Variants in RCSD1 observed in about 807,000 individuals in gnomAD.
RCSD1 encodes the protein RCSD domain containing 1, also known as capZ-interacting protein.
RCSD1 carries 26 observed loss-of-function variants against 42.5 expected under a neutral mutation model. The ratio of observed to expected loss-of-function variants is 0.61; its 90% CI spans 0.45 to 0.85. The LOEUF (loss-of-function observed/expected upper bound fraction) is 0.85. RCSD1 is among the 40% of genes least tolerant of loss of function. RCSD1 has a pLI of 0.00. For missense variants in RCSD1, 571 were observed against 528.3 expected (o/e 1.08, Z -0.79); for synonymous variants, 220 against 212.2 (o/e 1.04, Z -0.32).
At position 167,694,061 on chromosome 1, in the gene RCSD1, C is replaced by T. The variant is rs756476393; in HGVS notation, c.271-38C>T. 7.5e-6 allele frequency: 12 copies of T among 1,602,714 alleles called. No individual in the cohort carries two copies. The African/African-American group carries it at 1.6e-4, about 21-fold the overall frequency. ...CTAAAGTAGAGGCTCTGATCTTCTC[C>T]CTAGTCCTATTTGAAATTGTTCATC... On this transcript the variant is annotated intron_variant, in intron 4 of 6. Coordinates refer to ENST00000367854, the MANE Select transcript of RCSD1 (RefSeq NM_052862.4).
intron 1 of RCSD1, among the ~76,000 whole-genome samples, chr1:167,675,602 G>C (rs1241866289): frequency 6.6e-6 from 1 of 152,132 alleles, no homozygotes; most frequent in Non-Finnish European, 1.5e-5. Context: ...TGTTTGACTT[G>C]ACCCAGAGCT....
intron 1 of RCSD1, among the ~76,000 whole-genome samples, chr1:167,654,677 T>C (rs1029210287): frequency 2.0e-5 from 3 of 152,172 alleles, no homozygotes; most frequent in African/African-American, 7.2e-5. Context: ...ATGAGACTTA[T>C]ATTTGAGAAA....
rs1337164920 is a variant in RCSD1, at chr1:167,707,300, G to T, written c.*2604G>T. Among the ~76,000 whole-genome samples the T allele has an allele frequency of 6.6e-6, 1 of 152,342 alleles. No homozygotes were observed. The highest frequency in any genetic ancestry group is 2.4e-5 in the African/African-American group (1 of 41,584). ...ACATGTTCAATAAATAAATGTCAAAGAAATAAATGCGTGAAAAGGCAACCA... is the reference window on the plus strand; with the variant it reads ...ACATGTTCAATAAATAAATGTCAAATAAATAAATGCGTGAAAAGGCAACCA... On this transcript the variant is annotated 3_prime_UTR_variant, in exon 7 of 7. Coordinates refer to ENST00000367854, the MANE Select transcript of RCSD1 (RefSeq NM_052862.4).
chr1:167,668,536 C>T (rs1246979256), intron 1 of RCSD1, among the ~76,000 whole-genome samples: 1 of 152,104 alleles, frequency 6.6e-6, no homozygotes, highest in African/African-American at 2.4e-5. Context: ...AAACCCTTTT[C>T]CTCTTCAGCA....
chr1:167,663,870 G>A (rs1380908835), intron 1 of RCSD1: 3 of 152,192 alleles, frequency 2.0e-5, no homozygotes, highest in African/African-American at 7.2e-5. Context: ...TTATGTGCCA[G>A]GCACTGTGCT....
intron 1 of RCSD1, among the ~76,000 whole-genome samples, chr1:167,673,258 A>G (rs1369382400): frequency 6.6e-6 from 1 of 152,278 alleles, no homozygotes; most frequent in African/African-American, 2.4e-5. Flanking sequence ...TTAAAAGAGT[A>G]GCAGCAGATT....
At chr1:167,679,662 G>T (rs1433032944) in intron 1 of RCSD1, among the ~76,000 whole-genome samples, 1 of 152,200 alleles carries the variant, frequency 6.6e-6, no homozygotes, top group Non-Finnish European at 1.5e-5. Context: ...CAAGAGCATA[G>T]TTCTTCCAGC....
rs958190252 is a variant in RCSD1, at chr1:167,684,073, C to G, written c.108+72C>G. 18 of 1,263,958 alleles carry G rather than the reference C, an allele frequency of 1.4e-5. No homozygotes were observed. In the South Asian group the frequency reaches 2.2e-4, roughly 15 times the overall value. The allele number at this position is 1,263,958 out of a possible 1,614,324, so 78.3% of individuals were successfully genotyped here. ...GAAAGGGAAATCTGGTCAGGCCCAG[C>G]GGAGAGGGAGGGAGGAGGCTTGGTA... On this transcript the variant is annotated intron_variant, in intron 2 of 6. Coordinates refer to ENST00000367854, the MANE Select transcript of RCSD1 (RefSeq NM_052862.4).
intron 1 of RCSD1, among the ~76,000 whole-genome samples, chr1:167,667,135 G>A (rs1481169402): frequency 6.6e-6 from 1 of 151,762 alleles, no homozygotes; most frequent in Non-Finnish European, 1.5e-5. Flanking sequence ...AAGGGAGGGG[G>A]CCGCCTCATT....
intron 1 of RCSD1, among the ~76,000 whole-genome samples, chr1:167,651,574 T>C (rs988649292): frequency 2.0e-5 from 3 of 152,182 alleles, no homozygotes; most frequent in African/African-American, 7.2e-5. Flanking sequence ...CAGAGTGCAA[T>C]GCTGTGGACT....
chr1:167,686,055 A>G (rs1272659855), intron 3 of RCSD1, among the ~76,000 whole-genome samples: 1 of 152,230 alleles, frequency 6.6e-6, no homozygotes, highest in Non-Finnish European at 1.5e-5. Context: ...CGTTACCAAC[A>G]TAATAAAGGC....
rs1472067638 is a variant in RCSD1, at chr1:167,706,043, A to T, written c.*1347A>T. On this transcript the variant is annotated 3_prime_UTR_variant, in exon 7 of 7. Transcript: ENST00000367854. ...TCAGAAAACAGTCTGTCAGACAAAA[A>T]GGCCTTATGTCACCACTGGTACCTC... The T allele has an allele frequency of 2.0e-5, 3 of 152,196 alleles. No homozygotes were observed. The highest frequency in any genetic ancestry group is 4.8e-5 in the African/African-American group (2 of 41,436). 9.4% of individuals were successfully genotyped at this position (152,196 alleles called of 1,614,324 possible). A position where few individuals can be genotyped will look rare whatever the true frequency, so the allele number is the denominator to read the frequency against.
At position 167,704,660 on chromosome 1, in the gene RCSD1, A is replaced by G; in HGVS notation, c.1219-4A>G. ...TAATTAATTCTTTCCTCCCCTGTTC[A>G]CAGGATGACACTCCTGTCCAGGACA... On this transcript the variant is annotated splice_polypyrimidine_tract_variant and splice_region_variant and intron_variant, in intron 6 of 6. Transcript: ENST00000367854. 1 of 1,612,490 alleles carries G rather than the reference A, an allele frequency of 6.2e-7. No individual in the cohort carries two copies. The highest frequency in any genetic ancestry group is 1.1e-5 in the South Asian group (1 of 90,900).
intron 1 of RCSD1, among the ~76,000 whole-genome samples, chr1:167,630,983 T>C (rs3738222): frequency 0.13 from 19,945 of 152,250 alleles, 1,657 homozygotes; most frequent in Middle Eastern, 0.28. Flanking sequence ...TGTCGCATCT[T>C]CTTCCATAAC....
chr1:167,653,621 A>G (rs1004818361), intron 1 of RCSD1, among the ~76,000 whole-genome samples: 1 of 152,250 alleles, frequency 6.6e-6, no homozygotes, highest in Non-Finnish European at 1.5e-5. Flanking sequence ...GGGGATGTCA[A>G]GGTAAAGGCT....
At chr1:167,643,386 A>G (rs1165743152) in intron 1 of RCSD1, among the ~76,000 whole-genome samples, 1 of 152,226 alleles carries the variant, frequency 6.6e-6, no homozygotes, top group African/African-American at 2.4e-5. Flanking sequence ...TTTATAGCAT[A>G]AAGGAGGTTT....
chr1:167,684,603 G>A (rs893604750), intron 2 of RCSD1, among the ~76,000 whole-genome samples: 1 of 152,056 alleles, frequency 6.6e-6, no homozygotes, highest in Admixed American at 6.5e-5. Context: ...GGCCGGGCAC[G>A]GTGGCTCACG....
intron 1 of RCSD1, among the ~76,000 whole-genome samples, chr1:167,653,237 T>C (rs1053303506): frequency 2.0e-5 from 3 of 152,256 alleles, no homozygotes; most frequent in African/African-American, 7.2e-5. Context: ...TCCCATGCTT[T>C]GGAAGTTTAT....
intron 1 of RCSD1, among the ~76,000 whole-genome samples, chr1:167,654,528 G>A (rs1658380130): frequency 1.3e-5 from 2 of 152,294 alleles, no homozygotes; most frequent in South Asian, 2.1e-4. Flanking sequence ...CTGTAGCCAG[G>A]GTTAAGCAGA....
Sources: gnomAD v4.1 joint callset for allele counts (sites outside exome capture counted in the v4.1 genomes callset) on GRCh38, gnomAD v4.1.1 for gene constraint, MANE v1.5 for transcripts, NCBI Gene and HGNC (gene_info 2026-07-23, HGNC 2026-07-21) for gene names.